SHISA5: variants seen among roughly 807,000 people sequenced by gnomAD.
SHISA5 encodes protein shisa-5.
SHISA5 carries 21 observed loss-of-function variants against 27.5 expected under a neutral mutation model. The observed-to-expected ratio is 0.76, with a 90% CI of 0.54 to 1.10. SHISA5 has a LOEUF of 1.10. SHISA5 is among the 50% of genes least tolerant of loss of function. SHISA5 has a pLI of 0.00. For missense variants in SHISA5, 314 were observed against 336.3 expected (o/e 0.93, Z 0.52); for synonymous variants, 137 against 142.2 (o/e 0.96, Z 0.26).
chr3:48,473,434 C>G lies in SHISA5; in HGVS notation c.315-3591G>C, dbSNP rs1247793440. On this transcript the variant is annotated intron_variant, in intron 3 of 5. Transcript: ENST00000296444. This position sits in a 1 kb window ranked among gnomAD's most constrained non-coding sequence, Gnocchi z 4.3. ...CCACCCCCACTTCCACCTAACCCAC[C>G]GGCCCTGTTCCACCAGCCTCCAGGA... is the stretch of plus-strand genomic sequence containing the variant. 1 of 1,300,160 alleles carries G rather than the reference C, an allele frequency of 7.7e-7. No homozygotes were observed. The highest frequency in any genetic ancestry group is 1.2e-5 in the South Asian group (1 of 81,138). The allele number at this position is 1,300,160 out of a possible 1,614,324, so 80.5% of individuals were successfully genotyped here.
intron 2 of SHISA5, among the ~76,000 whole-genome samples, chr3:48,486,311 A>T (rs1483986132): frequency 2.6e-5 from 2 of 77,786 alleles, no homozygotes; most frequent in Non-Finnish European, 4.3e-5. Context: ...ATATTATATA[A>T]TATATAATAC....
At chr3:48,485,439 G>A (rs911828622) in intron 2 of SHISA5, among the ~76,000 whole-genome samples, 1 of 150,360 alleles carries the variant, frequency 6.7e-6, no homozygotes, top group Non-Finnish European at 1.5e-5. Flanking sequence ...AGGTTGCAGT[G>A]AGCCAAGATC....
Position 48,473,581 on chromosome 3 carries a change from C to A in SHISA5, c.315-3738G>T. ...CTCTCCCACCAGCACTCTCTCCAAT[C>A]TGTCTCCCCATGTTCTCCCGGCCAC... On this transcript the variant is annotated intron_variant, in intron 3 of 5. Transcript: ENST00000296444. This position sits in a 1 kb window ranked among gnomAD's most constrained non-coding sequence, Gnocchi z 4.3. The A allele has an allele frequency of 8.0e-7, 1 of 1,254,206 alleles. No homozygotes were observed. The highest frequency in any genetic ancestry group is 2.5e-5 in the Admixed American group (1 of 39,794). 77.7% of individuals were successfully genotyped at this position (1,254,206 alleles called of 1,614,324 possible). A position where few individuals can be genotyped will look rare whatever the true frequency, so the allele number is the denominator to read the frequency against.
At chr3:48,504,438 C>G (rs1560138733), upstream of SHISA5, 1 of 215,522 alleles carries the variant, frequency 4.6e-6, no homozygotes, top group East Asian at 9.7e-5. This position sits in a 1 kb window ranked among gnomAD's most constrained non-coding sequence, Gnocchi z 4.0. Flanking sequence ...GCATGGGGGG[C>G]GGCGGCGGCC....
chr3:48,496,013 G>A lies in SHISA5; in HGVS notation c.233+5124C>T, dbSNP rs1484967671. ...TAAAAATACAAAAATTAGGCCGGGC[G>A]CAGTGGCTCAAGCCTGTAATCCCAG... On this transcript the variant is annotated intron_variant, in intron 2 of 5. Transcript: ENST00000296444. Among the ~76,000 whole-genome samples, 26 of 146,906 alleles carry A rather than the reference G, an allele frequency of 1.8e-4. No individual in the cohort carries two copies. The East Asian group carries it at 4.7e-3, about 26-fold the overall frequency.
At position 48,470,753 on chromosome 3, in the gene SHISA5, C is replaced by T. The variant is rs962047885; in HGVS notation, c.315-910G>A. On this transcript the variant is annotated intron_variant, in intron 3 of 5. Coordinates refer to ENST00000296444, the MANE Select transcript of SHISA5 (RefSeq NM_016479.6). This position sits in a 1 kb window ranked among gnomAD's most constrained non-coding sequence, Gnocchi z 4.3. ...ACCAGCCTGGCCAACATGGTGAAACCCTGTCTCTACTAAAAATACAAAAAT... is the reference window on the plus strand; with the variant it reads ...ACCAGCCTGGCCAACATGGTGAAACTCTGTCTCTACTAAAAATACAAAAAT... Among the ~76,000 whole-genome samples, 3 of 152,118 alleles carry T rather than the reference C, an allele frequency of 2.0e-5. No homozygotes were observed. The highest frequency in any genetic ancestry group is 4.4e-5 in the Non-Finnish European group (3 of 68,020).
intron 1 of SHISA5, 144 bp from the exon 2 acceptor site, chr3:48,501,437 CTGA>C: frequency 2.2e-6 from 2 of 922,588 alleles, no homozygotes; most frequent in South Asian, 3.2e-5. Flanking sequence ...AGGCCACCTT[CTGA>C]CCCCTGGCCA....
rs2040721143 is a variant in SHISA5, at chr3:48,473,585, C to T, written c.315-3742G>A. On this transcript the variant is annotated intron_variant, in intron 3 of 5. Coordinates refer to ENST00000296444, the MANE Select transcript of SHISA5 (RefSeq NM_016479.6). This position sits in a 1 kb window ranked among gnomAD's most constrained non-coding sequence, Gnocchi z 4.3. ...CCCACCAGCACTCTCTCCAATCTGT[C>T]TCCCCATGTTCTCCCGGCCACCCTA... The T allele has an allele frequency of 2.4e-6, 3 of 1,245,428 alleles. No homozygotes were observed. Among genetic ancestry groups the T allele is most frequent in the African/African-American group, 1.5e-5 (1 of 64,758 alleles). 77.1% of individuals were successfully genotyped at this position (1,245,428 alleles called of 1,614,324 possible). A position where few individuals can be genotyped will look rare whatever the true frequency, so the allele number is the denominator to read the frequency against.
chr3:48,468,553 G>C lies in SHISA5; in HGVS notation c.*554C>G, dbSNP rs2040444152. ...GGAGCAATGGGACATCTGCCCAAAG[G>C]ATCAAAGTCCAACTTGGCCAGATCC... On this transcript the variant is annotated 3_prime_UTR_variant, in exon 6 of 6. Coordinates refer to ENST00000296444, the MANE Select transcript of SHISA5 (RefSeq NM_016479.6). The C allele has an allele frequency of 3.3e-5, 39 of 1,188,992 alleles. No homozygotes were observed. The South Asian group carries it at 5.7e-4, about 17-fold the overall frequency. 73.7% of individuals were successfully genotyped at this position (1,188,992 alleles called of 1,614,324 possible).
At chr3:48,489,326 A>AT (rs148263510) in intron 2 of SHISA5, among the ~76,000 whole-genome samples, 8,699 of 146,350 alleles carry the variant, frequency 0.059, 363 homozygotes, top group Non-Finnish European at 0.09. Context: ...CTATTTTTTT[A>AT]TTTTTTTATT....
At chr3:48,502,469 ACT>A (rs1370634529) in intron 1 of SHISA5, 2 of 450,018 alleles carry the variant, frequency 4.4e-6, no homozygotes, top group Middle Eastern at 6.6e-4. Context: ...CCATCACAAG[ACT>A]CTCAGCACAG....
chr3:48,489,120 C>T (rs962180264), intron 2 of SHISA5, among the ~76,000 whole-genome samples: 39 of 151,810 alleles, frequency 2.6e-4, no homozygotes, highest in Non-Finnish European at 1.8e-4. Context: ...CTGTGACCAG[C>T]GGCCCACATT....
intron 3 of SHISA5, among the ~76,000 whole-genome samples, chr3:48,476,570 C>T (rs1432849758): frequency 1.3e-5 from 2 of 152,174 alleles, no homozygotes; most frequent in African/African-American, 4.8e-5. Flanking sequence ...AAACAGTGCC[C>T]TTGGCCAAGT....
chr3:48,486,344 G>C (rs1312238444), intron 2 of SHISA5, among the ~76,000 whole-genome samples: 1 of 4,466 alleles, frequency 2.2e-4, no homozygotes. Context: ...AATATATAAT[G>C]ATAATGTATT....
intron 2 of SHISA5, among the ~76,000 whole-genome samples, chr3:48,491,710 G>A (rs987367459): frequency 4.6e-5 from 7 of 151,900 alleles, no homozygotes; most frequent in Non-Finnish European, 1.0e-4. Context: ...AGAGTGGCAC[G>A]ATCTCAGCTC....
chr3:48,473,385 C>T lies in SHISA5; in HGVS notation c.315-3542G>A. 1.5e-6 allele frequency: 2 copies of T among 1,330,820 alleles called. No individual in the cohort carries two copies. Among genetic ancestry groups the T allele is most frequent in the African/African-American group, 1.5e-5 (1 of 67,628 alleles). 82.4% of individuals were successfully genotyped at this position (1,330,820 alleles called of 1,614,324 possible). Reference sequence around the variant, plus strand: ...CCACCCCAGCCTCAGTGGGCCCCAACCACACTCTAGCTCAGCAGCACCCCC... The same window carrying T: ...CCACCCCAGCCTCAGTGGGCCCCAATCACACTCTAGCTCAGCAGCACCCCC... On this transcript the variant is annotated intron_variant, in intron 3 of 5. Coordinates refer to ENST00000296444, the MANE Select transcript of SHISA5 (RefSeq NM_016479.6). The surrounding 1 kb of genome is among the most constrained non-coding windows in gnomAD (Gnocchi z 4.3).
At chr3:48,491,699 T>A (rs1223877007) in intron 2 of SHISA5, among the ~76,000 whole-genome samples, 1 of 151,958 alleles carries the variant, frequency 6.6e-6, no homozygotes, top group East Asian at 1.9e-4. Context: ...CAGGCTGGAG[T>A]AGAGTGGCAC....
chr3:48,469,734 G>T lies in SHISA5; in HGVS notation c.424C>A (p.Pro142Thr). Residue 142 changes from proline (P) to threonine (T), a missense_variant, in exon 4 of 6, where the codon CCA becomes ACA. Pro to Thr is a conservative substitution (Grantham distance 38). Coordinates refer to ENST00000296444, the MANE Select transcript of SHISA5 (RefSeq NM_016479.6). The surrounding 1 kb of genome is among the most constrained non-coding windows in gnomAD (Gnocchi z 4.6). ...CCCLYKTCRR[P>T]RPVVTTTTST... ...GCAGGGTGGGCACGCTTACGACGTG[G>T]TCGGCGGCACGTCTTGTAAAGGCAG... is the stretch of plus-strand genomic sequence containing the variant. 1 of 1,614,058 alleles carries T rather than the reference G, an allele frequency of 6.2e-7. No individual in the cohort carries two copies. The highest frequency in any genetic ancestry group is 8.5e-7 in the Non-Finnish European group (1 of 1,179,970).
intron 2 of SHISA5, among the ~76,000 whole-genome samples, chr3:48,490,706 A>C (rs2041395759): frequency 6.6e-6 from 1 of 152,236 alleles, no homozygotes; most frequent in Non-Finnish European, 1.5e-5. Context: ...GACAAGGAAA[A>C]AAAATCAAAA....
Sources: allele counts gnomAD v4.1 joint callset (sites outside exome capture counted in the v4.1 genomes callset), GRCh38; gene constraint gnomAD v4.1.1; non-coding constraint Gnocchi (gnomAD v3.1); transcripts MANE v1.5; gene names NCBI Gene and HGNC (gene_info 2026-07-23, HGNC 2026-07-21).